The following CREB5 variants were observed in gnomAD, a reference collection of about 807,000 sequenced individuals.
The protein encoded by CREB5 is cyclic AMP-responsive element-binding protein 5.
CREB5 carries 19 observed loss-of-function variants against 57.1 expected under a neutral mutation model. The observed-to-expected ratio is 0.33, with a 90% CI of 0.23 to 0.49. The LOEUF (loss-of-function observed/expected upper bound fraction) is 0.49. CREB5 is among the 20% of genes least tolerant of loss of function. The probability of loss-of-function intolerance (pLI) is 0.99; values close to 1 mark genes in which losing one functional copy is unlikely to be tolerated. For missense variants in CREB5, 579 were observed against 671.6 expected, an observed-to-expected ratio of 0.86 and a Z score of 1.52; for synonymous variants, 238 against 238.3, an observed-to-expected ratio of 1.00 and a Z score of 0.01.
intron 1 of CREB5, among the ~76,000 whole-genome samples, chr7:28,477,869 C>T (rs567566455): frequency 2.0e-5 from 3 of 152,310 alleles, no homozygotes; most frequent in South Asian, 2.1e-4. Flanking sequence ...AATCCCAGCA[C>T]TTTGGGAAGA....
At chr7:28,816,356 C>T (rs1372703180) in intron 9 of CREB5, among the ~76,000 whole-genome samples, 1 of 152,090 alleles carries the variant, frequency 6.6e-6, no homozygotes, top group Non-Finnish European at 1.5e-5. Context: ...TCCACAGAGC[C>T]CCTTATCAAT....
At chr7:28,299,619 G>C (rs987473046) in intron 1 of CREB5, among the ~76,000 whole-genome samples, 3 of 152,310 alleles carry the variant, frequency 2.0e-5, no homozygotes, top group Middle Eastern at 6.8e-3. Flanking sequence ...CTCTAGGCAA[G>C]GCTACTGATA....
intron 7 of CREB5, among the ~76,000 whole-genome samples, chr7:28,803,839 G>C (rs1489177215): frequency 6.6e-6 from 1 of 151,746 alleles, no homozygotes; most frequent in Non-Finnish European, 1.5e-5. Flanking sequence ...ATATTGAATG[G>C]TGCTCTTTGG....
intron 5 of CREB5, among the ~76,000 whole-genome samples, chr7:28,597,394 A>C (rs1368147864): frequency 2.0e-5 from 3 of 152,166 alleles, no homozygotes; most frequent in African/African-American, 7.2e-5. Flanking sequence ...AGTTGTTTTC[A>C]GCTGTCCACT....
At chr7:28,478,304 T>A (rs559764952) in intron 1 of CREB5, among the ~76,000 whole-genome samples, 47 of 152,132 alleles carry the variant, frequency 3.1e-4, no homozygotes, top group Middle Eastern at 3.4e-3. Context: ...GTCTTGAGCT[T>A]GTTTATCAGG....
intron 9 of CREB5, among the ~76,000 whole-genome samples, chr7:28,814,701 T>A (rs1033731828): frequency 1.2e-4 from 18 of 152,294 alleles, no homozygotes; most frequent in African/African-American, 4.1e-4. Context: ...TGGAAGTAGT[T>A]CAACCATCGT....
intron 5 of CREB5, among the ~76,000 whole-genome samples, chr7:28,642,973 C>CATACACACAT (rs144235192): frequency 8.2e-6 from 1 of 122,442 alleles, no homozygotes; most frequent in Non-Finnish European, 1.7e-5. Context: ...CACACACACA[C>CATACACACAT]ACACACACAC....
At chr7:28,362,556 A>G (rs1200146567) in intron 1 of CREB5, among the ~76,000 whole-genome samples, 1 of 152,248 alleles carries the variant, frequency 6.6e-6, no homozygotes, top group Non-Finnish European at 1.5e-5. Flanking sequence ...GGCACGAAAG[A>G]CAATATTTGG....
chr7:28,586,765 C>A (rs1204573542), intron 5 of CREB5, among the ~76,000 whole-genome samples: 9 of 152,174 alleles, frequency 5.9e-5, no homozygotes, highest in Non-Finnish European at 1.5e-5. Context: ...AAGCAAACTC[C>A]AGTAATAATC....
chr7:28,361,330 A>G (rs553315429), intron 1 of CREB5, among the ~76,000 whole-genome samples: 4 of 152,166 alleles, frequency 2.6e-5, no homozygotes, highest in South Asian at 4.2e-4. Flanking sequence ...CTAATTTTAC[A>G]TGAGTCAATG....
At chr7:28,403,502 T>C (rs1380253643) in intron 1 of CREB5, among the ~76,000 whole-genome samples, 1 of 152,190 alleles carries the variant, frequency 6.6e-6, no homozygotes, top group East Asian at 1.9e-4. Context: ...ACTGAATCCT[T>C]GCAGTATCCT....
intron 7 of CREB5, among the ~76,000 whole-genome samples, chr7:28,795,341 ATTC>A (rs1807967097): frequency 1.3e-5 from 2 of 152,188 alleles, no homozygotes; most frequent in African/African-American, 4.8e-5. Context: ...ACGGATACTG[ATTC>A]TTCATCTGGT....
chr7:28,576,252 A>G (rs761778748), intron 5 of CREB5, among the ~76,000 whole-genome samples: 5 of 152,324 alleles, frequency 3.3e-5, no homozygotes, highest in Non-Finnish European at 7.3e-5. Flanking sequence ...TGAAGAAGAG[A>G]AAGGAAGCTA....
At chr7:28,705,880 G>A (rs1197878430) in intron 5 of CREB5, among the ~76,000 whole-genome samples, 1 of 152,158 alleles carries the variant, frequency 6.6e-6, no homozygotes, top group African/African-American at 2.4e-5. Flanking sequence ...GAACTCAAAA[G>A]AAAAGTAAGC....
At chr7:28,517,145 A>G (rs1792998137) in intron 4 of CREB5, among the ~76,000 whole-genome samples, 1 of 152,232 alleles carries the variant, frequency 6.6e-6, no homozygotes, top group Non-Finnish European at 1.5e-5. Context: ...TAGACTCAGC[A>G]TCTGTAGCTA....
chr7:28,680,668 G>A (rs140505300), intron 5 of CREB5, among the ~76,000 whole-genome samples: 238 of 151,892 alleles, frequency 1.6e-3, no homozygotes, highest in African/African-American at 5.4e-3. Flanking sequence ...CCGAGGTGGG[G>A]GAATCATTTG....
intron 3 of CREB5, among the ~76,000 whole-genome samples, chr7:28,502,622 T>C (rs1792315747): frequency 6.6e-6 from 1 of 152,238 alleles, no homozygotes; most frequent in Non-Finnish European, 1.5e-5. Context: ...CTAACCTTTA[T>C]TGTAACTAAT....
chr7:28,734,882 G>A (rs549936483), intron 7 of CREB5, among the ~76,000 whole-genome samples: 72 of 152,096 alleles, frequency 4.7e-4, no homozygotes, highest in Admixed American at 1.3e-3. Flanking sequence ...TTTTTTGGCC[G>A]CTTGATTTTA....
chr7:28,495,264 G>T (rs746314962), intron 3 of CREB5, among the ~76,000 whole-genome samples: 1 of 152,100 alleles, frequency 6.6e-6, no homozygotes, highest in Admixed American at 6.6e-5. Flanking sequence ...CTGGCTGGGC[G>T]CTATGGCTCA....
Sources: gnomAD v4.1 joint callset for allele counts (sites outside exome capture counted in the v4.1 genomes callset) on GRCh38, gnomAD v4.1.1 for gene constraint, MANE v1.5 for transcripts, NCBI Gene and HGNC (gene_info 2026-07-23, HGNC 2026-07-21) for gene names.